The following COL5A1 variants were observed in gnomAD, a reference collection of about 807,000 sequenced individuals.
COL5A1 encodes the protein collagen type V alpha 1 chain.
In COL5A1, 16 loss-of-function variants were observed where a neutral mutation model predicts 263.7. That is an observed-to-expected ratio of 0.06 (90% CI 0.04 to 0.09). The LOEUF (loss-of-function observed/expected upper bound fraction) is 0.09, where lower values mean the gene tolerates loss of function less well. Ranked by LOEUF, COL5A1 falls within the 10% of genes least tolerant of loss-of-function variation. COL5A1 has a pLI of 1.00. For synonymous variants in COL5A1, 1,012 were observed against 1,004.5 expected (o/e 1.01, Z -0.14); for missense variants, 2,036 against 2,540.5 (o/e 0.80, Z 4.27).
intron 64 of COL5A1, 83 bp from the exon 65 acceptor site, chr9:134,834,888 G>C: frequency 1.0e-6 from 1 of 985,380 alleles, no homozygotes; most frequent in Non-Finnish European, 1.6e-6. Context: ...CAGTGTGAGT[G>C]AAGCCCAGGG....
chr9:134,762,703 G>A (rs1197551682), intron 19 of COL5A1, among the ~76,000 whole-genome samples: 1 of 152,204 alleles, frequency 6.6e-6, no homozygotes, highest in African/African-American at 2.4e-5. Context: ...AAGGAGCTCT[G>A]GAGGGTGAGA....
At chr9:134,768,364 G>T (rs765132493) in intron 24 of COL5A1, 46 bp from the exon 25 acceptor site, 17 of 1,551,012 alleles carry the variant, frequency 1.1e-5, no homozygotes, top group Admixed American at 8.3e-5. Context: ...GAGGTCAGGT[G>T]AGCCTAGGGA....
chr9:134,780,315 C>T (rs1020572937), intron 28 of COL5A1, among the ~76,000 whole-genome samples, 169 bp downstream of exon 28: 3 of 152,138 alleles, frequency 2.0e-5, no homozygotes, highest in Non-Finnish European at 2.9e-5. Context: ...TGTTTGCAGA[C>T]GGAAGAAGAG....
In COL5A1 at chr9:134,789,980, C is replaced by T. The variant is rs1272023111; in HGVS notation, c.2700+772C>T. On this transcript the variant is annotated intron_variant, in intron 32 of 65. Transcript: ENST00000371817. This position sits in a 1 kb window ranked among gnomAD's most constrained non-coding sequence, Gnocchi z 4.8. ...AGTCTGTGGTGTACATGCAGGACAG[C>T]ATCTGCAGAGCAGGCCTGGGGGACA... Among the ~76,000 whole-genome samples the T allele has an allele frequency of 1.1e-4, 16 of 152,310 alleles. No individual in the cohort carries two copies.
rs940634540 is a variant in COL5A1 at position 134,647,902 on chromosome 9, G to A, written c.109+5606G>A. ...CGATCCTGCAGGCGGAGCCCACAGC[G>A]GCCCTTGTGGTGGTTACTACTGAGT... On this transcript the variant is annotated intron_variant, in intron 1 of 65. Coordinates refer to ENST00000371817, the MANE Select transcript of COL5A1 (RefSeq NM_000093.5). This position sits in a 1 kb window ranked among gnomAD's most constrained non-coding sequence, Gnocchi z 5.0. Among the ~76,000 whole-genome samples, 3 of 152,170 alleles carry A rather than the reference G, an allele frequency of 2.0e-5. No homozygotes were observed. Among genetic ancestry groups the A allele is most frequent in the South Asian group, 2.1e-4 (1 of 4,828 alleles).
intron 1 of COL5A1, among the ~76,000 whole-genome samples, chr9:134,666,210 A>G (rs1211931747): frequency 1.3e-5 from 2 of 152,250 alleles, no homozygotes; most frequent in Admixed American, 1.3e-4. Context: ...GTGCCCCTGT[A>G]GATGCTCAGA....
At position 134,818,378 on chromosome 9, in the gene COL5A1, G is replaced by A. The variant is rs569549716; in HGVS notation, c.4231-278G>A. On this transcript the variant is annotated intron_variant, in intron 54 of 65. Coordinates refer to ENST00000371817, the MANE Select transcript of COL5A1 (RefSeq NM_000093.5). The surrounding 1 kb of genome is among the most constrained non-coding windows in gnomAD (Gnocchi z 6.0). The stretch of plus-strand genomic sequence containing the variant: ...TTGTTAAGGAGACGGGAGGTTGTGC[G>A]GTTCCATCCCTGCTCGGGCAGTGGC... Among the ~76,000 whole-genome samples the A allele has an allele frequency of 3.5e-4, 54 of 152,284 alleles. No individual in the cohort carries two copies. The highest frequency in any genetic ancestry group is 2.7e-3 in the Admixed American group (41 of 15,294).
rs886042620 is a variant in COL5A1 at position 134,642,281 on chromosome 9, C to T, written c.94C>T (p.Pro32Ser). 7 of 1,161,276 alleles carry T rather than the reference C, an allele frequency of 6.0e-6. No homozygotes were observed. Among genetic ancestry groups the T allele is most frequent in the Non-Finnish European group, 7.5e-6 (7 of 931,330 alleles). The allele number at this position is 1,161,276 out of a possible 1,614,324, so 71.9% of individuals were successfully genotyped here. The change falls in exon 1 of 66, where the codon CCT (proline) becomes TCT (serine). Residue 32 changes from proline to serine, a missense_variant. By Grantham distance (74) the Pro-to-Ser change is moderately conservative. This residue lies in a region of COL5A1 where 600 missense variants were observed against 634.5 expected (regional missense o/e 0.95). Transcript: ENST00000371817. This position sits in a 1 kb window ranked among gnomAD's most constrained non-coding sequence, Gnocchi z 4.5. The part of the protein sequence containing the change: ...PLLLLLLWAP[P>S]PSRAAQPADL... ...GCTGCTGCTGCTGCTGTGGGCGCCGCCTCCGAGCCGCGCAGGTAAGGGCGC... is the reference window on the plus strand; with the variant it reads ...GCTGCTGCTGCTGCTGTGGGCGCCGTCTCCGAGCCGCGCAGGTAAGGGCGC...
chr9:134,740,416 C>T (rs1276045606), intron 11 of COL5A1, among the ~76,000 whole-genome samples: 1 of 152,226 alleles, frequency 6.6e-6, no homozygotes, highest in African/African-American at 2.4e-5. Context: ...GCGGATGGGT[C>T]CACAGGTGTG....
chr9:134,768,496 C>T, intron 25 of COL5A1, 33 bp downstream of exon 25: 1 of 1,601,824 alleles, frequency 6.2e-7, no homozygotes, highest in Non-Finnish European at 8.6e-7. Flanking sequence ...TCCCTCCATA[C>T]TCTCCCCACC....
intron 11 of COL5A1, among the ~76,000 whole-genome samples, chr9:134,748,368 C>T (rs1159340384): frequency 6.6e-6 from 1 of 152,152 alleles, no homozygotes; most frequent in Non-Finnish European, 1.5e-5. Context: ...CACATACATA[C>T]ACTTACATTC....
At chr9:134,785,960 G>T in intron 30 of COL5A1, 35 bp from the exon 31 acceptor site, 1 of 1,588,446 alleles carries the variant, frequency 6.3e-7, no homozygotes, top group Non-Finnish European at 8.6e-7. Context: ...GAGCAATACC[G>T]TGCTGGCCAT....
chr9:134,642,840 G>C lies in COL5A1; in HGVS notation c.109+544G>C, dbSNP rs955624375. 1.3e-5 allele frequency among the ~76,000 whole-genome samples: 2 copies of C among 152,206 alleles called. No homozygotes were observed. The highest frequency in any genetic ancestry group is 2.9e-5 in the Non-Finnish European group (2 of 68,022). ...GCGCCCTGCTTTCCCCAGGGACAGCGTTTCCTGCAGCCTTGGTCACCTAAG... is the reference window on the plus strand; with the variant it reads ...GCGCCCTGCTTTCCCCAGGGACAGCCTTTCCTGCAGCCTTGGTCACCTAAG... On this transcript the variant is annotated intron_variant, in intron 1 of 65. Coordinates refer to ENST00000371817, the MANE Select transcript of COL5A1 (RefSeq NM_000093.5). This position sits in a 1 kb window ranked among gnomAD's most constrained non-coding sequence, Gnocchi z 4.5.
intron 34 of COL5A1, 49 bp from the exon 35 acceptor site, chr9:134,796,325 C>A (rs778966962): frequency 1.3e-6 from 2 of 1,595,092 alleles, no homozygotes; most frequent in Non-Finnish European, 1.7e-6. Flanking sequence ...GTCTTTTCAT[C>A]CAAATAATAA....
At chr9:134,770,214 A>G (rs976957757) in intron 25 of COL5A1, among the ~76,000 whole-genome samples, 1 of 152,244 alleles carries the variant, frequency 6.6e-6, no homozygotes, top group East Asian at 1.9e-4. Context: ...ATTGAGGGTA[A>G]ACCCTACAGA....
At chr9:134,771,172 C>T (rs965060662) in intron 25 of COL5A1, among the ~76,000 whole-genome samples, 3 of 152,252 alleles carry the variant, frequency 2.0e-5, no homozygotes, top group Admixed American at 6.5e-5. Context: ...CTCGAGCAGC[C>T]GGGGCTGGGT....
chr9:134,823,454 A>G lies in COL5A1; in HGVS notation c.4683A>G (p.Gly1561=), dbSNP rs149959668. 6.8e-6 allele frequency: 11 copies of G among 1,613,952 alleles called. No individual in the cohort carries two copies. Among genetic ancestry groups the G allele is most frequent in the Middle Eastern group, 1.6e-4 (1 of 6,062 alleles). ...CGAAGGGTGAGGCAGGCCACCCAGG[A>G]CCCCCAGGCCCCCCGGTAAGTAGCC... ...TGPKGEAGHP[G]PPGPPGPPGE... Residue 1561 remains glycine (G), a synonymous_variant, in exon 61 of 66, where the codon GGA becomes GGG. Transcript: ENST00000371817.
rs930073843 is a variant in COL5A1, at chr9:134,754,070, C to T, written c.1773+167C>T. Among the ~76,000 whole-genome samples, 1 of 152,330 alleles carries T rather than the reference C, an allele frequency of 6.6e-6. No homozygotes were observed. Among genetic ancestry groups the T allele is most frequent in the Non-Finnish European group, 1.5e-5 (1 of 68,032 alleles). On this transcript the variant is annotated intron_variant, in intron 15 of 65. Transcript: ENST00000371817. This position sits in a 1 kb window ranked among gnomAD's most constrained non-coding sequence, Gnocchi z 4.3. The stretch of plus-strand genomic sequence containing the variant: ...GGTGGAGCACAATGAACTCTGACAC[C>T]TGCGGCAGAAATGAGCTGGCTGTAT...
intron 31 of COL5A1, among the ~76,000 whole-genome samples, chr9:134,788,804 G>A (rs1837565175): frequency 6.7e-6 from 1 of 149,098 alleles, no homozygotes; most frequent in Non-Finnish European, 1.5e-5. Context: ...GGGTAGACAG[G>A]TGGATGAATG....
Sources: allele counts gnomAD v4.1 joint callset (sites outside exome capture counted in the v4.1 genomes callset), GRCh38; gene constraint gnomAD v4.1.1; regional missense constraint gnomAD v4.1.1; non-coding constraint Gnocchi (gnomAD v3.1); transcripts MANE v1.5; gene names NCBI Gene and HGNC (gene_info 2026-07-23, HGNC 2026-07-21).